The following USP39 variants were observed in gnomAD, a reference collection of about 807,000 sequenced individuals.
USP39 encodes ubiquitin carboxyl-terminal hydrolase 39.
A neutral mutation model predicts 66.4 loss-of-function variants in USP39; 38 were observed. That is an observed-to-expected ratio of 0.57 (90% CI 0.44 to 0.75). USP39 has a LOEUF of 0.75. Ranked by LOEUF, USP39 falls within the 30% of genes least tolerant of loss-of-function variation. The pLI is 0.00. For missense variants in USP39, 608 were observed against 714.4 expected (o/e 0.85, Z 1.70); for synonymous variants, 303 against 274.6 (o/e 1.10, Z -1.02).
In USP39 at chr2:85,629,074, T is replaced by G. The variant is rs540308909; in HGVS notation, c.724-1647T>G. Among the ~76,000 whole-genome samples, 5 of 152,220 alleles carry G rather than the reference T, an allele frequency of 3.3e-5. 1 individual carries two copies. Among genetic ancestry groups the G allele is most frequent in the African/African-American group, 1.2e-4 (5 of 41,558 alleles). On this transcript the variant is annotated intron_variant, in intron 5 of 12. Transcript: ENST00000323701. ...TTCCTCCCAGTTTCGTTTTGTTTTG[T>G]TTTTTTGAGATGGAATTTTGCTCTT...
intron 5 of USP39, among the ~76,000 whole-genome samples, chr2:85,627,820 T>C (rs879529919): frequency 2.0e-5 from 3 of 152,036 alleles, no homozygotes; most frequent in Non-Finnish European, 4.4e-5. Flanking sequence ...CTTCTAAAGT[T>C]AATTATTTGT....
chr2:85,640,956 A>G lies in USP39; in HGVS notation c.1285-20A>G, dbSNP rs1558871900. Reference sequence around the variant, plus strand: ...ACTGAACTTCAGCACTAATTTGAGAATTTTCTTTTCTTTCTCTAGGAATAT... The same window carrying G: ...ACTGAACTTCAGCACTAATTTGAGAGTTTTCTTTTCTTTCTCTAGGAATAT... On this transcript the variant is annotated intron_variant, in intron 9 of 12. Transcript: ENST00000323701. The G allele has an allele frequency of 1.3e-6, 2 of 1,587,578 alleles. No homozygotes were observed. Among genetic ancestry groups the G allele is most frequent in the African/African-American group, 1.4e-5 (1 of 73,160 alleles).
At chr2:85,615,289 G>A (rs1673845112), upstream of USP39, among the ~76,000 whole-genome samples, 1 of 152,116 alleles carries the variant, frequency 6.6e-6, no homozygotes, top group Non-Finnish European at 1.5e-5. Context: ...CAAAGTGCTG[G>A]TATTATAGGC....
At chr2:85,626,547 A>C (rs1317305673) in intron 5 of USP39, among the ~76,000 whole-genome samples, 1 of 152,152 alleles carries the variant, frequency 6.6e-6, no homozygotes, top group African/African-American at 2.4e-5. Flanking sequence ...ACTTCAGGGA[A>C]TGAGGGACCG....
rs903477680 is a variant in USP39, at chr2:85,639,304, C to T, written c.1197C>T (p.Pro399=). 2 of 1,613,970 alleles carry T rather than the reference C, an allele frequency of 1.2e-6. No homozygotes were observed. Among genetic ancestry groups the T allele is most frequent in the South Asian group, 1.1e-5 (1 of 91,080 alleles). The change falls in exon 9 of 13, where the codon CCC becomes CCT. Residue 399 remains proline (P), a synonymous_variant. Transcript: ENST00000323701. ...MYLTLDLPTA[P]LYKDEKEQLI... is the part of the protein sequence containing the mutation. ...TGACGCTGGACCTTCCTACTGCCCC[C>T]CTCTACAAGGACGAGAAGGAGCAGC...
chr2:85,637,310 A>G, intron 7 of USP39, 59 bp from the exon 8 acceptor site: 1 of 1,574,806 alleles, frequency 6.3e-7, no homozygotes, highest in Admixed American at 1.7e-5. Context: ...AGCTGGAAAT[A>G]TACTTCAGAC....
intron 5 of USP39, among the ~76,000 whole-genome samples, chr2:85,627,628 T>TAA (rs758659994): frequency 5.0e-5 from 7 of 139,204 alleles, no homozygotes; most frequent in African/African-American, 1.3e-4. Context: ...TGTCTCTATT[T>TAA]AAAAAAAAAA....
intron 6 of USP39, among the ~76,000 whole-genome samples, chr2:85,632,182 C>T (rs1459051707): frequency 6.6e-6 from 1 of 152,170 alleles, no homozygotes; most frequent in Non-Finnish European, 1.5e-5. Flanking sequence ...AGCATTCACT[C>T]ATGGTGCTAG....
upstream of USP39, chr2:85,611,257 C>T: frequency 2.2e-6 from 3 of 1,351,304 alleles, no homozygotes; most frequent in Non-Finnish European, 2.8e-6. Flanking sequence ...CAAAAATTGA[C>T]CGTCATATAT....
intron 10 of USP39, among the ~76,000 whole-genome samples, chr2:85,644,476 G>A (rs1158659109): frequency 1.3e-5 from 2 of 152,130 alleles, no homozygotes; most frequent in African/African-American, 4.8e-5. Flanking sequence ...CTGTCGCCCA[G>A]GCTGGAGTGC....
intron 6 of USP39, among the ~76,000 whole-genome samples, 192 bp from the exon 7 acceptor site, chr2:85,635,861 C>T (rs575352079): frequency 1.4e-4 from 21 of 152,096 alleles, no homozygotes; most frequent in South Asian, 4.1e-4. Context: ...GAGTCAAGAT[C>T]GGAGGAGTGA....
rs1676780614 is a variant in USP39 at position 85,648,028 on chromosome 2, AC to A, written c.1650+13del. On this transcript the variant is annotated intron_variant, in intron 12 of 12. Transcript: ENST00000323701. ...AGGCTTACATTCAGGTGGGTTGGCC[AC>A]AGGCTTAGTGAGCCACAAATAGGTG... 6 of 1,613,856 alleles carry A rather than the reference AC, an allele frequency of 3.7e-6. No homozygotes were observed. The highest frequency in any genetic ancestry group is 1.7e-5 in the Admixed American group (1 of 59,994).
intron 1 of USP39, among the ~76,000 whole-genome samples, chr2:85,617,439 T>A (rs1674078616): frequency 6.6e-6 from 1 of 152,224 alleles, no homozygotes. Context: ...CCTGACTGCC[T>A]TTTCTCCTGG....
intron 4 of USP39, 90 bp from the exon 5 acceptor site, chr2:85,625,449 A>G: frequency 1.3e-6 from 2 of 1,555,478 alleles, no homozygotes; most frequent in South Asian, 2.2e-5. Context: ...TTCATGGCCA[A>G]GTGTTTTTTG....
At chr2:85,611,340 G>T, upstream of USP39, 1 of 1,438,794 alleles carries the variant, frequency 7.0e-7, no homozygotes. Context: ...GCAATTATGT[G>T]CTGGTCGCTC....
intron 1 of USP39, 87 bp from the exon 2 acceptor site, chr2:85,619,133 T>C (rs1241630768): frequency 6.8e-7 from 1 of 1,459,908 alleles, no homozygotes; most frequent in East Asian, 2.4e-5. Flanking sequence ...GATTAGTTTT[T>C]CCCATTTCTG....
chr2:85,647,836 C>G lies in USP39; in HGVS notation c.1564-94C>G, dbSNP rs753511869. On this transcript the variant is annotated intron_variant, in intron 11 of 12. Transcript: ENST00000323701. The stretch of plus-strand genomic sequence containing the variant: ...TGCTGGATGATGTCTAGTGGCTGTT[C>G]TTCTAATTTTTCTAGTCTTGGCTAT... The G allele has an allele frequency of 3.4e-5, 38 of 1,114,972 alleles. No individual in the cohort carries two copies. In the South Asian group the frequency reaches 5.0e-4, roughly 15 times the overall value. 69.1% of individuals were successfully genotyped at this position (1,114,972 alleles called of 1,614,324 possible). A position where few individuals can be genotyped will look rare whatever the true frequency, so the allele number is the denominator to read the frequency against.
In USP39 at chr2:85,633,655, T is replaced by G. The variant is rs1675541095; in HGVS notation, c.950-2398T>G. Among the ~76,000 whole-genome samples the G allele has an allele frequency of 2.0e-5, 3 of 152,024 alleles. No homozygotes were observed. In the South Asian group the frequency reaches 6.2e-4, roughly 32 times the overall value. On this transcript the variant is annotated intron_variant, in intron 6 of 12. Coordinates refer to ENST00000323701, the MANE Select transcript of USP39 (RefSeq NM_006590.4). ...TGGTGGCATGTACCTGTAGTCCAGC[T>G]ACTTGAGAGGCTGAGGTTGGAGGAT...
chr2:85,607,321 A>G (rs532901682), upstream of USP39: 20 of 152,302 alleles, frequency 1.3e-4, no homozygotes, highest in African/African-American at 4.6e-4. Flanking sequence ...AGCCTTCTTG[A>G]CCCAGGAGGC....
Sources: gnomAD v4.1 joint callset for allele counts (sites outside exome capture counted in the v4.1 genomes callset) on GRCh38, gnomAD v4.1.1 for gene constraint, MANE v1.5 for transcripts, NCBI Gene and HGNC (gene_info 2026-07-23, HGNC 2026-07-21) for gene names.